The following CNTNAP2 variants were observed in gnomAD, a reference collection of about 807,000 sequenced individuals.
CNTNAP2 encodes the protein contactin associated protein 2.
A neutral mutation model predicts 155.2 loss-of-function variants in CNTNAP2; 98 were observed. The ratio of observed to expected loss-of-function variants is 0.63; its 90% CI spans 0.54 to 0.75. CNTNAP2 has a LOEUF of 0.75. Among genes scored for constraint, CNTNAP2 ranks in the 30% least tolerant of loss-of-function variants. The pLI is 0.00. For missense variants in CNTNAP2, 1,727 were observed against 1,688.1 expected (o/e 1.02, Z -0.40); for synonymous variants, 651 against 631.2 (o/e 1.03, Z -0.47).
intron 10 of CNTNAP2, among the ~76,000 whole-genome samples, chr7:147,423,203 C>T (rs1338279587): frequency 6.6e-6 from 1 of 152,140 alleles, no homozygotes; most frequent in African/African-American, 2.4e-5. Context: ...AAAGTTCTTT[C>T]CCTAATTCCC....
intron 14 of CNTNAP2, among the ~76,000 whole-genome samples, chr7:147,960,834 C>T (rs1289951137): frequency 6.6e-6 from 1 of 151,718 alleles, no homozygotes; most frequent in Non-Finnish European, 1.5e-5. Flanking sequence ...CTCCTTCTCT[C>T]TCTCTGTCTC....
chr7:147,563,818 G>A (rs760884065), intron 12 of CNTNAP2, among the ~76,000 whole-genome samples: 10 of 151,988 alleles, frequency 6.6e-5, no homozygotes, highest in Non-Finnish European at 1.5e-4. Flanking sequence ...TTCATTATGT[G>A]TGAAGTGGAA....
intron 1 of CNTNAP2, among the ~76,000 whole-genome samples, chr7:146,355,978 T>C (rs1292294858): frequency 2.0e-5 from 3 of 152,012 alleles, no homozygotes; most frequent in African/African-American, 7.2e-5. Flanking sequence ...TAACCAAATA[T>C]ATCAAGCAAG....
At chr7:147,341,761 C>T (rs1331307366) in intron 9 of CNTNAP2, among the ~76,000 whole-genome samples, 5 of 97,680 alleles carry the variant, frequency 5.1e-5, no homozygotes, top group Admixed American at 2.2e-4. Context: ...CACACACACA[C>T]ATACACATAC....
intron 21 of CNTNAP2, among the ~76,000 whole-genome samples, chr7:148,375,524 T>A (rs773339447): frequency 6.7e-5 from 10 of 150,344 alleles, no homozygotes; most frequent in Non-Finnish European, 1.3e-4. Context: ...CACGCCCAGC[T>A]AATTTTTTGT....
chr7:146,634,885 A>T (rs1302311869), intron 1 of CNTNAP2, among the ~76,000 whole-genome samples: 1 of 152,212 alleles, frequency 6.6e-6, no homozygotes, highest in Non-Finnish European at 1.5e-5. Context: ...ATTTAACAGG[A>T]ATGAGACTTT....
chr7:148,093,624 A>G (rs1803897112), intron 15 of CNTNAP2, among the ~76,000 whole-genome samples: 1 of 152,234 alleles, frequency 6.6e-6, no homozygotes, highest in Admixed American at 6.5e-5. Flanking sequence ...TACAGACATC[A>G]CAATGACAAA....
In CNTNAP2 at chr7:147,464,928, T is replaced by C. The variant is rs184750158; in HGVS notation, c.1671-21007T>C. Among the ~76,000 whole-genome samples the C allele has an allele frequency of 3.8e-3, 586 of 152,352 alleles. 6 individuals are homozygous for C. Among genetic ancestry groups the C allele is most frequent in the African/African-American group, 0.013 (557 of 41,584 alleles). ...CAATTATAATGATTCTCTCCTGATA[T>C]GTATTTCATTTGATGTGATACATAT... On this transcript the variant is annotated intron_variant, in intron 10 of 23. Coordinates refer to ENST00000361727, the MANE Select transcript of CNTNAP2 (RefSeq NM_014141.6).
At position 146,917,376 on chromosome 7, in the gene CNTNAP2, A is replaced by G. The variant is rs896691160; in HGVS notation, c.402+77472A>G. On this transcript the variant is annotated intron_variant, in intron 3 of 23. Coordinates refer to ENST00000361727, the MANE Select transcript of CNTNAP2 (RefSeq NM_014141.6). Reference sequence around the variant, plus strand: ...CGTTGTTTGTTGACTTTCTGTCTTGATAACCTGTCCAGTGCTGTCAGTGGA... The same window carrying G: ...CGTTGTTTGTTGACTTTCTGTCTTGGTAACCTGTCCAGTGCTGTCAGTGGA... Among the ~76,000 whole-genome samples the G allele has an allele frequency of 3.3e-5, 5 of 152,144 alleles. No homozygotes were observed. The East Asian group carries it at 9.6e-4, about 29-fold the overall frequency.
intron 11 of CNTNAP2, among the ~76,000 whole-genome samples, chr7:147,540,786 G>T (rs1051765802): frequency 5.3e-5 from 8 of 151,862 alleles, no homozygotes; most frequent in Admixed American, 2.6e-4. Flanking sequence ...AGCCGAGATG[G>T]TGCCACTGCA....
chr7:147,323,489 CT>C (rs1795391203), intron 9 of CNTNAP2, among the ~76,000 whole-genome samples: 1 of 147,968 alleles, frequency 6.8e-6, no homozygotes, highest in Admixed American at 6.9e-5. Context: ...GAGAGCTTTA[CT>C]TCCGACTATG....
chr7:147,512,503 T>C (rs952473397), intron 11 of CNTNAP2, among the ~76,000 whole-genome samples: 3 of 152,206 alleles, frequency 2.0e-5, no homozygotes, highest in Non-Finnish European at 4.4e-5. Flanking sequence ...TATTCAACTT[T>C]CATACATCAT....
At chr7:146,124,351 A>AT (rs1217059157) in intron 1 of CNTNAP2, among the ~76,000 whole-genome samples, 6 of 152,110 alleles carry the variant, frequency 3.9e-5, no homozygotes, top group Non-Finnish European at 8.8e-5. Flanking sequence ...CTGTTAACTG[A>AT]TTTTTTCTAA....
chr7:147,103,555 A>T, intron 4 of CNTNAP2, among the ~76,000 whole-genome samples: 1 of 152,142 alleles, frequency 6.6e-6, no homozygotes, highest in East Asian at 1.9e-4. Flanking sequence ...GTTAATATAC[A>T]TTTTTACTAT....
At chr7:148,254,965 A>C (rs1057328479) in intron 20 of CNTNAP2, among the ~76,000 whole-genome samples, 6 of 151,888 alleles carry the variant, frequency 4.0e-5, no homozygotes, top group Non-Finnish European at 8.8e-5. Context: ...TTTTTCCTCG[A>C]GCTCTTCAGG....
chr7:146,159,284 A>T (rs759611420), intron 1 of CNTNAP2, among the ~76,000 whole-genome samples: 86 of 152,212 alleles, frequency 5.7e-4, no homozygotes, highest in Non-Finnish European at 4.0e-4. Context: ...CACTGCAAAA[A>T]TATGCCAAAT....
chr7:146,498,509 C>A (rs1040425527), intron 1 of CNTNAP2, among the ~76,000 whole-genome samples: 6 of 152,098 alleles, frequency 3.9e-5, no homozygotes, highest in Non-Finnish European at 8.8e-5. Context: ...ATTCTATAAG[C>A]TTTTCCCCCC....
At chr7:147,903,267 A>G (rs1455039284) in intron 13 of CNTNAP2, among the ~76,000 whole-genome samples, 1 of 152,026 alleles carries the variant, frequency 6.6e-6, no homozygotes, top group Non-Finnish European at 1.5e-5. Context: ...GGCCTTTTGT[A>G]TATCTTATTT....
At chr7:147,319,252 A>G (rs997310949) in intron 9 of CNTNAP2, among the ~76,000 whole-genome samples, 1 of 152,226 alleles carries the variant, frequency 6.6e-6, no homozygotes, top group Non-Finnish European at 1.5e-5. Context: ...TAATTCTTTA[A>G]AAACATTAAG....
Sources: gnomAD v4.1 joint callset for allele counts (sites outside exome capture counted in the v4.1 genomes callset) on GRCh38, gnomAD v4.1.1 for gene constraint, MANE v1.5 for transcripts, NCBI Gene and HGNC (gene_info 2026-07-23, HGNC 2026-07-21) for gene names.